The following SFXN2 variants were observed in gnomAD, a reference collection of about 807,000 sequenced individuals.
SFXN2 encodes sideroflexin 2.
Under a neutral mutation model 41.9 loss-of-function variants are expected in SFXN2, and 37 were observed. That is an observed-to-expected ratio of 0.88 (90% CI 0.68 to 1.16). The LOEUF (loss-of-function observed/expected upper bound fraction) is 1.16. Among genes scored for constraint, SFXN2 ranks in the 50% most tolerant of loss-of-function variants. SFXN2 has a pLI of 0.00. For synonymous variants in SFXN2, 150 were observed against 156.7 expected (o/e 0.96, Z 0.32); for missense variants, 386 against 425.2 (o/e 0.91, Z 0.81).
chr10:102,737,455 G>A (rs944959936), intron 11 of SFXN2, among the ~76,000 whole-genome samples: 1 of 152,136 alleles, frequency 6.6e-6, no homozygotes, highest in Non-Finnish European at 1.5e-5. Flanking sequence ...GTAATCTTGT[G>A]GAGAAGATGG....
At chr10:102,722,703 G>C (rs1184402320) in intron 1 of SFXN2, among the ~76,000 whole-genome samples, 2 of 151,616 alleles carry the variant, frequency 1.3e-5, no homozygotes, top group Non-Finnish European at 2.9e-5. Flanking sequence ...ACCACGCCTG[G>C]CTATGTTTTT....
rs140090224 is a variant in SFXN2, at chr10:102,722,786, C to T, written c.-25-3826C>T. Among the ~76,000 whole-genome samples, 634 of 152,174 alleles carry T rather than the reference C, an allele frequency of 4.2e-3. 6 individuals carry two copies. Among genetic ancestry groups the T allele is most frequent in the African/African-American group, 0.014 (601 of 41,536 alleles). On this transcript the variant is annotated intron_variant, in intron 1 of 11. Transcript: ENST00000369893. ...CTGGTCTCAAACTCCTGGGCTCAAG[C>T]GATGCTCCTGCCTTGGCCTGCCAAA... is the stretch of plus-strand genomic sequence containing the variant.
Position 102,737,802 on chromosome 10 carries a change from A to G in SFXN2, c.*40A>G. The stretch of plus-strand genomic sequence containing the variant: ...CAAGGACCAGTCTATTCCCATATTC[A>G]CCAGCTCCTCCTTAGCTACGTGCAC... On this transcript the variant is annotated 3_prime_UTR_variant, in exon 12 of 12. Coordinates refer to ENST00000369893, the MANE Select transcript of SFXN2 (RefSeq NM_178858.6). The G allele has an allele frequency of 3.6e-6, 5 of 1,404,062 alleles. No individual in the cohort carries two copies. The highest frequency in any genetic ancestry group is 5.0e-6 in the Non-Finnish European group (5 of 994,828). The allele number at this position is 1,404,062 out of a possible 1,614,324, so 87.0% of individuals were successfully genotyped here.
At chr10:102,714,733 A>C in intron 1 of SFXN2, 52 bp downstream of exon 1, 1 of 164,526 alleles carries the variant, frequency 6.1e-6, no homozygotes, top group Non-Finnish European at 1.3e-5. Context: ...CAATCCCCAC[A>C]TCTCGGGTGG....
At chr10:102,714,947 G>A in intron 1 of SFXN2, 1 of 153,260 alleles carries the variant, frequency 6.5e-6, no homozygotes, top group Non-Finnish European at 1.5e-5. Context: ...GGGGGAGGCC[G>A]TCTGTCGGAG....
At chr10:102,719,081 G>A (rs1346045273) in intron 1 of SFXN2, among the ~76,000 whole-genome samples, 2 of 151,296 alleles carry the variant, frequency 1.3e-5, no homozygotes, top group African/African-American at 2.4e-5. Flanking sequence ...CTGCCACCAC[G>A]CCCGGCTAAT....
rs1842787844 is a variant in SFXN2 at position 102,741,812 on chromosome 10, T to C, written c.*4050T>C. 6.6e-6 allele frequency: 1 copy of C among 152,256 alleles called. No homozygotes were observed. The highest frequency in any genetic ancestry group is 6.5e-5 in the Admixed American group (1 of 15,282). The allele number at this position is 152,256 out of a possible 1,614,324, so 9.4% of individuals were successfully genotyped here. ...CCATGAAAATAATTTGGTCCTTCCCTAGTACTCAATTTTTACTTCTCCTCT... is the reference window on the plus strand; with the variant it reads ...CCATGAAAATAATTTGGTCCTTCCCCAGTACTCAATTTTTACTTCTCCTCT... On this transcript the variant is annotated 3_prime_UTR_variant, in exon 12 of 12. Transcript: ENST00000369893.
chr10:102,733,582 A>C lies in SFXN2; in HGVS notation c.800A>C (p.Gln267Pro), dbSNP rs764572459. ...GTCAAGGTCCTGCACGCCCCATTGC[A>C]GGTCATGCTGAGCGGGTGCTTGTAA... ...QKVKVLHAPL[Q>P]VMLSGCFLIF... Residue 267 changes from glutamine to proline, a missense_variant, in exon 10 of 12, where the codon CAG becomes CCG. Coordinates refer to ENST00000369893, the MANE Select transcript of SFXN2 (RefSeq NM_178858.6). 3.1e-6 allele frequency: 5 copies of C among 1,614,034 alleles called. No individual in the cohort carries two copies. The South Asian group carries it at 5.5e-5, about 18-fold the overall frequency.
intron 1 of SFXN2, among the ~76,000 whole-genome samples, chr10:102,723,418 ATTT>A (rs1809499473): frequency 1.3e-5 from 2 of 150,646 alleles, no homozygotes; most frequent in African/African-American, 2.5e-5. Context: ...CGCCCGGCTA[ATTT>A]TTGTATTTTT....
At chr10:102,720,089 G>A (rs746798373) in intron 1 of SFXN2, among the ~76,000 whole-genome samples, 89 of 151,988 alleles carry the variant, frequency 5.9e-4, no homozygotes, top group Non-Finnish European at 1.2e-3. Flanking sequence ...TCAGGAGATC[G>A]AGACCATCCT....
Position 102,726,786 on chromosome 10 carries a change from G to T in SFXN2, c.150G>T (p.Val50=), listed in dbSNP as rs746845676. The change falls in exon 2 of 12, where the codon GTG becomes GTT. Residue 50 remains valine, a synonymous_variant. Coordinates refer to ENST00000369893, the MANE Select transcript of SFXN2 (RefSeq NM_178858.6). ...AGCTGGACTGGGCCAAGGTGATGGT[G>T]GAGAAGAGCAGGTGAGGGGTCGGGG... is the stretch of plus-strand genomic sequence containing the variant. ...ERELDWAKVM[V]EKSRMGVVPP... 9.3e-6 allele frequency: 15 copies of T among 1,614,064 alleles called. No individual in the cohort carries two copies. The highest frequency in any genetic ancestry group is 1.2e-5 in the Non-Finnish European group (14 of 1,180,038).
rs774697118 is a variant in SFXN2, at chr10:102,737,677, C to T, written c.884C>T (p.Ser295Phe). ...LFPQKCELPV[S>F]YLEPKLQDTI... ...TCTCTTTTCAGTGAATTGCCAGTTT[C>T]CTATCTGGAACCGAAGCTCCAAGAC... Residue 295 changes from serine to phenylalanine, a missense_variant, in exon 12 of 12, where the codon TCC becomes TTC. By Grantham distance (155) the Ser-to-Phe change is radical. Transcript: ENST00000369893. 4.2e-5 allele frequency: 68 copies of T among 1,611,966 alleles called. No homozygotes were observed. The highest frequency in any genetic ancestry group is 1.8e-4 in the Admixed American group (11 of 59,938).
At position 102,726,807 on chromosome 10, in the gene SFXN2, CG is replaced by C. The variant is rs3839933; in HGVS notation, c.161+14del. 2.5e-6 allele frequency: 4 copies of C among 1,613,590 alleles called. No homozygotes were observed. The East Asian group carries it at 8.9e-5, about 36-fold the overall frequency. Reference sequence around the variant, plus strand: ...TGGTGGAGAAGAGCAGGTGAGGGGTCGGGGAAGGGGCTGGAAGTAGTAGGGT... The same window carrying C: ...TGGTGGAGAAGAGCAGGTGAGGGGTCGGGAAGGGGCTGGAAGTAGTAGGGT... On this transcript the variant is annotated intron_variant, in intron 2 of 11. Transcript: ENST00000369893.
intron 6 of SFXN2, 86 bp downstream of exon 6, chr10:102,729,894 G>C (rs2064675953): frequency 6.9e-7 from 1 of 1,455,130 alleles, no homozygotes; most frequent in Non-Finnish European, 9.5e-7. Context: ...GGCTTCTGGG[G>C]ACTGCGGTGG....
rs763384087 is a variant in SFXN2 at position 102,729,819 on chromosome 10, G to A, written c.593+11G>A. 41 of 1,613,526 alleles carry A rather than the reference G, an allele frequency of 2.5e-5. No individual in the cohort carries two copies. The highest frequency in any genetic ancestry group is 1.3e-4 in the Admixed American group (8 of 59,982). On this transcript the variant is annotated intron_variant, in intron 6 of 11. Coordinates refer to ENST00000369893, the MANE Select transcript of SFXN2 (RefSeq NM_178858.6). The stretch of plus-strand genomic sequence containing the variant: ...CATGATGCGACAGCAGTGAGTAAAG[G>A]CCCCTTTTTCTCCCTACAAACCACA...
At chr10:102,724,572 C>CA in intron 1 of SFXN2, among the ~76,000 whole-genome samples, 1 of 152,080 alleles carries the variant, frequency 6.6e-6, no homozygotes, top group Admixed American at 6.6e-5. Flanking sequence ...CATGGTGGTG[C>CA]ACGCCTGTAG....
intron 5 of SFXN2, 157 bp downstream of exon 5, chr10:102,729,551 C>G (rs1049465839): frequency 5.1e-5 from 56 of 1,108,068 alleles, no homozygotes; most frequent in Non-Finnish European, 6.6e-5. Context: ...GGGCCGTCCC[C>G]AGGTTGGTTC....
chr10:102,735,786 C>G, intron 10 of SFXN2, 76 bp from the exon 11 acceptor site: 1 of 1,518,814 alleles, frequency 6.6e-7, no homozygotes, highest in Non-Finnish European at 9.1e-7. Context: ...GGCATTGCTC[C>G]TTTCCCTTGG....
intron 6 of SFXN2, among the ~76,000 whole-genome samples, chr10:102,730,367 G>A (rs2064683502): frequency 2.0e-5 from 3 of 152,158 alleles, no homozygotes; most frequent in African/African-American, 4.8e-5. Context: ...TATATGTAAA[G>A]CACTCAAAAT....
Sources: gnomAD v4.1 joint callset for allele counts (sites outside exome capture counted in the v4.1 genomes callset) on GRCh38, gnomAD v4.1.1 for gene constraint, MANE v1.5 for transcripts, NCBI Gene and HGNC (gene_info 2026-07-23, HGNC 2026-07-21) for gene names.